TBC1D9: variants seen among roughly 807,000 people sequenced by gnomAD.
The protein encoded by TBC1D9 is TBC1 domain family member 9A.
TBC1D9 carries 63 observed loss-of-function variants against 132.0 expected under a neutral mutation model. The ratio of observed to expected loss-of-function variants is 0.48; its 90% CI spans 0.39 to 0.59. TBC1D9 has a LOEUF of 0.59. Among genes scored for constraint, TBC1D9 ranks in the 20% least tolerant of loss-of-function variants. The probability of loss-of-function intolerance (pLI) is 0.00; values close to 1 mark genes in which losing one functional copy is unlikely to be tolerated. For missense variants in TBC1D9, 1,261 were observed against 1,592.7 expected, an observed-to-expected ratio of 0.79 and a Z score of 3.54; for synonymous variants, 610 against 609.9, an observed-to-expected ratio of 1.00 and a Z score of 0.00.
intron 13 of TBC1D9, 28 bp downstream of exon 13, chr4:140,657,069 C>T (rs1352577171): frequency 4.3e-6 from 7 of 1,610,492 alleles, no homozygotes; most frequent in East Asian, 4.5e-5. Flanking sequence ...CATGGTTAAG[C>T]CCTGCTCAGC....
intron 18 of TBC1D9, among the ~76,000 whole-genome samples, chr4:140,625,420 G>A (rs1578811884): frequency 6.6e-6 from 1 of 152,178 alleles, no homozygotes; most frequent in East Asian, 1.9e-4. Flanking sequence ...AAAATAGAGA[G>A]GTGTACAATG....
chr4:140,655,411 T>A (rs925741804), intron 13 of TBC1D9, among the ~76,000 whole-genome samples: 1 of 152,234 alleles, frequency 6.6e-6, no homozygotes, highest in Admixed American at 6.5e-5. Flanking sequence ...AGAGAGACTT[T>A]CTGATCTCAC....
chr4:140,677,520 T>G (rs772794556), intron 5 of TBC1D9, among the ~76,000 whole-genome samples: 13 of 152,242 alleles, frequency 8.5e-5, no homozygotes, highest in South Asian at 2.1e-4. Flanking sequence ...GGCCTCAGTG[T>G]CCACCCCAAA....
At chr4:140,746,670 A>G (rs1738841581) in intron 1 of TBC1D9, among the ~76,000 whole-genome samples, 1 of 152,190 alleles carries the variant, frequency 6.6e-6, no homozygotes, top group Admixed American at 6.5e-5. Flanking sequence ...GAGAGAAATA[A>G]GAGCCAAGCG....
At chr4:140,698,663 A>G (rs774315637) in intron 2 of TBC1D9, among the ~76,000 whole-genome samples, 22 of 150,756 alleles carry the variant, frequency 1.5e-4, no homozygotes, top group Non-Finnish European at 2.2e-4. Context: ...GCTTGAGCCT[A>G]CGAGGCAGAT....
In TBC1D9 at chr4:140,679,810, C is replaced by T. The variant is rs746682723; in HGVS notation, c.394G>A (p.Val132Ile). The T allele has an allele frequency of 2.5e-6, 4 of 1,613,460 alleles. No individual in the cohort carries two copies. In the South Asian group the frequency reaches 3.3e-5, roughly 13 times the overall value. Residue 132 changes from valine to isoleucine, a missense_variant, in exon 4 of 21, where the codon GTA becomes ATA. Physicochemically the swap from Val to Ile is conservative, Grantham distance 29 (BLOSUM62 3). Around this residue, in one of 3 missense-constraint regions of TBC1D9, gnomAD observed 550 missense variants for 699.0 expected, o/e 0.79. Coordinates refer to ENST00000442267, the MANE Select transcript of TBC1D9 (RefSeq NM_015130.3). Reference protein sequence around the residue: ...IIAEYNKINDVKEDDDTEKFK... With the variant: ...IIAEYNKINDIKEDDDTEKFK... Reference sequence around the variant, plus strand: ...TTCTCCGTGTCATCATCTTCCTTTACATCATTGATTTTGTTGTATTCTGCA... The same window carrying T: ...TTCTCCGTGTCATCATCTTCCTTTATATCATTGATTTTGTTGTATTCTGCA...
chr4:140,720,267 A>T lies in TBC1D9; in HGVS notation c.131-18653T>A, dbSNP rs1367813903. Among the ~76,000 whole-genome samples the T allele has an allele frequency of 3.3e-5, 5 of 152,248 alleles. No individual in the cohort carries two copies. The East Asian group carries it at 9.7e-4, about 29-fold the overall frequency. On this transcript the variant is annotated intron_variant, in intron 1 of 20. Transcript: ENST00000442267. ...GGCAGCCTCAAGATAAACTGCTTAA[A>T]CTTTATCAATAAAACAAAAAGTTTC... is the stretch of plus-strand genomic sequence containing the variant.
chr4:140,726,731 A>G (rs1407370999), intron 1 of TBC1D9, among the ~76,000 whole-genome samples: 1 of 152,214 alleles, frequency 6.6e-6, no homozygotes, highest in Non-Finnish European at 1.5e-5. Context: ...TCACGACTTG[A>G]TCAGAAATGC....
chr4:140,748,767 G>T (rs1031556524), intron 1 of TBC1D9, among the ~76,000 whole-genome samples: 6 of 152,148 alleles, frequency 3.9e-5, no homozygotes, highest in African/African-American at 1.4e-4. Context: ...ACTGAGAAAA[G>T]CTGTCACAAG....
chr4:140,716,624 A>C (rs906287991), intron 1 of TBC1D9, among the ~76,000 whole-genome samples: 1 of 152,192 alleles, frequency 6.6e-6, no homozygotes, highest in African/African-American at 2.4e-5. Context: ...TTCTCTTTTC[A>C]TGCTATAAAC....
chr4:140,702,228 G>T (rs144776900), intron 1 of TBC1D9, among the ~76,000 whole-genome samples: 10 of 152,310 alleles, frequency 6.6e-5, no homozygotes, highest in African/African-American at 2.4e-4. Flanking sequence ...TTTCAGTCAA[G>T]AACCCCAGTG....
intron 11 of TBC1D9, among the ~76,000 whole-genome samples, chr4:140,658,053 G>A (rs1408795185): frequency 6.6e-6 from 1 of 152,134 alleles, no homozygotes; most frequent in African/African-American, 2.4e-5. Flanking sequence ...ACAATCACAT[G>A]ACAATTATAA....
chr4:140,755,982 G>T lies in TBC1D9; in HGVS notation c.64C>A (p.Pro22Thr). The T allele has an allele frequency of 6.2e-7, 1 of 1,608,540 alleles. No individual in the cohort carries two copies. The change falls in exon 1 of 21, where the codon CCA becomes ACA. Residue 22 changes from proline to threonine, a missense_variant. Physicochemically the swap from Pro to Thr is conservative, Grantham distance 38. This residue lies in a region of TBC1D9 where 550 missense variants were observed against 699.0 expected (regional missense o/e 0.79). Transcript: ENST00000442267. Reference protein sequence around the residue: ...NALWITERANPYFILQRRKGH... With the variant: ...NALWITERANTYFILQRRKGH... The stretch of plus-strand genomic sequence containing the variant: ...TTCCTCCGCTGCAGGATGAAGTATG[G>T]GTTGGCCCTCTCGGTGATCCACAGC...
intron 2 of TBC1D9, among the ~76,000 whole-genome samples, chr4:140,695,816 C>T (rs530238453): frequency 2.0e-4 from 30 of 152,254 alleles, no homozygotes; most frequent in Admixed American, 7.9e-4. Context: ...ATATCTGTAC[C>T]TATTTTTACT....
intron 18 of TBC1D9, among the ~76,000 whole-genome samples, chr4:140,626,227 T>C (rs1220189839): frequency 2.6e-5 from 4 of 152,228 alleles, no homozygotes. Flanking sequence ...TAAGACACTA[T>C]GCAAAATGTC....
At position 140,645,617 on chromosome 4, in the gene TBC1D9, C is replaced by T; in HGVS notation, c.2338-6189G>A. ...GTTCTAAAACCAGAGTCAGACAACA[C>T]TCTTCCTTTGTTTAAAATTCCAGTG... On this transcript the variant is annotated intron_variant, in intron 13 of 20. Transcript: ENST00000442267. The T allele has an allele frequency of 1.6e-5, 4 of 245,904 alleles. No individual in the cohort carries two copies. The South Asian group carries it at 1.9e-4, about 12-fold the overall frequency. The allele number at this position is 245,904 out of a possible 1,614,324, so 15.2% of individuals were successfully genotyped here.
intron 16 of TBC1D9, among the ~76,000 whole-genome samples, chr4:140,630,435 C>T (rs1736776824): frequency 6.6e-6 from 1 of 152,244 alleles, no homozygotes; most frequent in Non-Finnish European, 1.5e-5. Context: ...CGGACCCCTG[C>T]TGGTGCCCAG....
intron 13 of TBC1D9, among the ~76,000 whole-genome samples, chr4:140,640,936 G>T (rs764870481): frequency 7.9e-5 from 12 of 151,452 alleles, no homozygotes; most frequent in Admixed American, 2.0e-4. Flanking sequence ...ACATATGCTA[G>T]AATATTAATA....
chr4:140,755,822 A>C, intron 1 of TBC1D9, 94 bp downstream of exon 1: 2 of 1,375,196 alleles, frequency 1.5e-6, no homozygotes, highest in Non-Finnish European at 1.9e-6. Context: ...GCCCCAGGGG[A>C]CCGGGCGGCG....
Sources: allele counts gnomAD v4.1 joint callset (sites outside exome capture counted in the v4.1 genomes callset), GRCh38; gene constraint gnomAD v4.1.1; regional missense constraint gnomAD v4.1.1; transcripts MANE v1.5; gene names NCBI Gene and HGNC (gene_info 2026-07-23, HGNC 2026-07-21).